The following C9 variants were observed in gnomAD, a reference collection of about 807,000 sequenced individuals.
C9 encodes the protein complement C9, also known as complement component C9.
Under a neutral mutation model 65.4 loss-of-function variants are expected in C9, and 63 were observed. The ratio of observed to expected loss-of-function variants is 0.96; its 90% CI spans 0.79 to 1.19. The LOEUF is 1.19. Ranked by LOEUF, C9 falls within the 50% of genes most tolerant of loss-of-function variation. The probability of loss-of-function intolerance (pLI) is 0.00; values close to 1 mark genes in which losing one functional copy is unlikely to be tolerated. For missense variants in C9, 744 were observed against 670.1 expected (o/e 1.11, Z -1.22); for synonymous variants, 229 against 227.9 (o/e 1.00, Z -0.04).
At chr5:39,310,349 C>A (rs1753458700) in intron 7 of C9, among the ~76,000 whole-genome samples, 1 of 152,122 alleles carries the variant, frequency 6.6e-6, no homozygotes, top group Non-Finnish European at 1.5e-5. Flanking sequence ...TCCTGGCATC[C>A]ATCACCTCCT....
intron 10 of C9, among the ~76,000 whole-genome samples, chr5:39,287,092 G>A (rs759296400): frequency 2.0e-5 from 3 of 151,872 alleles, no homozygotes; most frequent in African/African-American, 7.3e-5. Context: ...AATCTATTAG[G>A]AGTCTGAATA....
intron 1 of C9, among the ~76,000 whole-genome samples, chr5:39,357,759 T>A (rs541811942): frequency 1.3e-5 from 2 of 152,248 alleles, no homozygotes; most frequent in East Asian, 3.9e-4. Flanking sequence ...ACTCTTCCCA[T>A]CAAAAGTAGG....
chr5:39,295,238 A>G (rs1753163018), intron 9 of C9, among the ~76,000 whole-genome samples: 1 of 151,852 alleles, frequency 6.6e-6, no homozygotes. Flanking sequence ...AATAAAGGAC[A>G]CCTAAATTGG....
At chr5:39,325,343 T>C (rs893458001) in intron 5 of C9, among the ~76,000 whole-genome samples, 2 of 152,132 alleles carry the variant, frequency 1.3e-5, no homozygotes, top group African/African-American at 2.4e-5. Flanking sequence ...GGATAACAAG[T>C]ACAATCCATC....
chr5:39,285,123 A>C lies in C9; in HGVS notation c.*76T>G. ...GCATGTTGCTATTTACTTGGCAGCT[A>C]AGATTATCTTCAGGGGTAGGATCTG... On this transcript the variant is annotated 3_prime_UTR_variant, in exon 11 of 11. Coordinates refer to ENST00000263408, the MANE Select transcript of C9 (RefSeq NM_001737.5). 8.4e-7 allele frequency: 1 copy of C among 1,196,040 alleles called. No individual in the cohort carries two copies. Among genetic ancestry groups the C allele is most frequent in the Non-Finnish European group, 1.3e-6 (1 of 798,824 alleles). The allele number at this position is 1,196,040 out of a possible 1,614,324, so 74.1% of individuals were successfully genotyped here.
intron 1 of C9, among the ~76,000 whole-genome samples, chr5:39,344,326 A>T (rs997035476): frequency 6.6e-6 from 1 of 152,234 alleles, no homozygotes. Context: ...GAAGTCCTTA[A>T]ATGACCTGAT....
intron 1 of C9, among the ~76,000 whole-genome samples, chr5:39,354,584 C>A (rs1754382981): frequency 6.6e-6 from 1 of 152,114 alleles, no homozygotes; most frequent in African/African-American, 2.4e-5. Context: ...CACCATAGAC[C>A]TAAAATTGTC....
chr5:39,346,696 A>G (rs1027056999), intron 1 of C9, among the ~76,000 whole-genome samples: 6 of 152,228 alleles, frequency 3.9e-5, no homozygotes, highest in Non-Finnish European at 7.3e-5. Context: ...CCTGATACCA[A>G]AGTCTGGCAA....
chr5:39,311,083 A>G (rs1455962583), intron 7 of C9, 54 bp downstream of exon 7: 1 of 1,597,694 alleles, frequency 6.3e-7, no homozygotes, highest in African/African-American at 1.3e-5. Flanking sequence ...TGGTGAACAA[A>G]ATAATGTTTG....
intron 1 of C9, among the ~76,000 whole-genome samples, chr5:39,353,121 T>C (rs1754352911): frequency 6.6e-6 from 1 of 152,148 alleles, no homozygotes; most frequent in Admixed American, 6.5e-5. Flanking sequence ...GCTCTGAAGA[T>C]GGAAGAAGAG....
chr5:39,291,951 G>A (rs1482445194), intron 9 of C9, among the ~76,000 whole-genome samples: 1 of 151,578 alleles, frequency 6.6e-6, no homozygotes, highest in Non-Finnish European at 1.5e-5. Context: ...AGAGTGTGGG[G>A]CAATATGAAA....
chr5:39,298,417 A>C lies in C9; in HGVS notation c.1416+8200T>G, dbSNP rs566933855. Among the ~76,000 whole-genome samples the C allele has an allele frequency of 2.6e-5, 4 of 151,790 alleles. No individual in the cohort carries two copies. In the East Asian group the frequency reaches 5.8e-4, roughly 22 times the overall value. ...ACCTCTACCAGATTAATTAAAAATC[A>C]AACAAGATAAGACAAAAGGGAAAAA... On this transcript the variant is annotated intron_variant, in intron 9 of 10. Transcript: ENST00000263408.
intron 5 of C9, among the ~76,000 whole-genome samples, chr5:39,324,710 T>G (rs966846142): frequency 7.2e-5 from 11 of 152,158 alleles, no homozygotes; most frequent in African/African-American, 2.4e-4. Flanking sequence ...CTAGGCTCAA[T>G]GTTAAGCATT....
chr5:39,351,735 T>C (rs1044238959), intron 1 of C9, among the ~76,000 whole-genome samples: 1 of 152,178 alleles, frequency 6.6e-6, no homozygotes, highest in African/African-American at 2.4e-5. Context: ...CTGGATTTCA[T>C]TGTCCATATC....
chr5:39,343,656 T>A (rs1754133598), intron 1 of C9, among the ~76,000 whole-genome samples: 2 of 152,222 alleles, frequency 1.3e-5, no homozygotes, highest in Admixed American at 6.5e-5. Context: ...TGTCCCTGCC[T>A]GACAGCTTTG....
intron 10 of C9, among the ~76,000 whole-genome samples, chr5:39,287,193 T>C (rs1396846803): frequency 6.6e-6 from 1 of 152,004 alleles, no homozygotes; most frequent in Non-Finnish European, 1.5e-5. Context: ...AATAGTTTAA[T>C]TGAGTCCTAT....
intron 4 of C9, among the ~76,000 whole-genome samples, chr5:39,333,787 T>C (rs1229966812): frequency 6.6e-6 from 1 of 150,394 alleles, no homozygotes; most frequent in Admixed American, 6.7e-5. Context: ...GGTTTTCGTA[T>C]TTTTTTGGTG....
At chr5:39,333,994 C>T (rs1046041558) in intron 4 of C9, among the ~76,000 whole-genome samples, 4 of 152,144 alleles carry the variant, frequency 2.6e-5, no homozygotes, top group African/African-American at 7.2e-5. Context: ...TGCCTTGGCC[C>T]CCCAAAGTGC....
At chr5:39,359,705 T>C (rs551789863) in intron 1 of C9, among the ~76,000 whole-genome samples, 2 of 152,348 alleles carry the variant, frequency 1.3e-5, no homozygotes, top group Non-Finnish European at 2.9e-5. Context: ...GCAAGTGGAC[T>C]GGTGAAGCTT....
Sources: allele counts gnomAD v4.1 joint callset (sites outside exome capture counted in the v4.1 genomes callset), GRCh38; gene constraint gnomAD v4.1.1; transcripts MANE v1.5; gene names NCBI Gene and HGNC (gene_info 2026-07-23, HGNC 2026-07-21).